NKAIN2: variants seen among roughly 807,000 people sequenced by gnomAD.
The protein encoded by NKAIN2 is sodium/potassium-transporting ATPase subunit beta-1-interacting protein 2.
A neutral mutation model predicts 32.6 loss-of-function variants in NKAIN2; 14 were observed. The observed-to-expected ratio is 0.43, with a 90% CI of 0.28 to 0.67. NKAIN2 has a LOEUF of 0.67. Among genes scored for constraint, NKAIN2 ranks in the 30% least tolerant of loss-of-function variants. The probability of loss-of-function intolerance (pLI) is 0.17; values close to 1 mark genes in which losing one functional copy is unlikely to be tolerated. For synonymous variants in NKAIN2, 80 were observed against 87.2 expected (o/e 0.92, Z 0.46); for missense variants, 198 against 258.3 (o/e 0.77, Z 1.60).
chr6:124,493,618 A>G (rs1777949463), intron 3 of NKAIN2, among the ~76,000 whole-genome samples: 2 of 149,790 alleles, frequency 1.3e-5, no homozygotes, highest in African/African-American at 2.5e-5. Flanking sequence ...TTATTTGATC[A>G]TTACATACAG....
chr6:123,902,206 A>G (rs560874459), intron 1 of NKAIN2, among the ~76,000 whole-genome samples: 1 of 152,254 alleles, frequency 6.6e-6, no homozygotes, highest in African/African-American at 2.4e-5. Flanking sequence ...TGAACATACT[A>G]CATAGACTCA....
At chr6:124,766,179 A>G (rs1184826281) in intron 4 of NKAIN2, among the ~76,000 whole-genome samples, 1 of 152,202 alleles carries the variant, frequency 6.6e-6, no homozygotes. Context: ...CTACCTTTCC[A>G]TGAGGAGATG....
chr6:123,974,710 T>C (rs1778478611), intron 1 of NKAIN2, among the ~76,000 whole-genome samples: 1 of 152,178 alleles, frequency 6.6e-6, no homozygotes, highest in South Asian at 2.1e-4. Context: ...GGGAAGATTA[T>C]GCAACTGAGA....
At chr6:123,820,542 C>T (rs1474725045) in intron 1 of NKAIN2, among the ~76,000 whole-genome samples, 1 of 152,074 alleles carries the variant, frequency 6.6e-6, no homozygotes, top group Non-Finnish European at 1.5e-5. Flanking sequence ...AACCAGTATG[C>T]TCCCTCTGCC....
chr6:124,426,224 G>A (rs983868396), intron 3 of NKAIN2, among the ~76,000 whole-genome samples: 4 of 152,100 alleles, frequency 2.6e-5, no homozygotes, highest in Admixed American at 1.3e-4. Context: ...GTGAAATGCA[G>A]AGAGCTACTG....
intron 1 of NKAIN2, among the ~76,000 whole-genome samples, chr6:123,945,232 C>A (rs552483847): frequency 3.7e-4 from 56 of 152,068 alleles, no homozygotes; most frequent in African/African-American, 1.3e-3. Context: ...CTGGGTTTAC[C>A]AAAGCCTCTA....
intron 1 of NKAIN2, among the ~76,000 whole-genome samples, chr6:124,117,669 G>C (rs1400565055): frequency 6.6e-6 from 1 of 151,202 alleles, no homozygotes; most frequent in African/African-American, 2.5e-5. Context: ...AATAAAAAAA[G>C]AAAATATGTA....
At chr6:124,759,657 C>CACA (rs1562367850) in intron 4 of NKAIN2, among the ~76,000 whole-genome samples, 2,395 of 75,366 alleles carry the variant, frequency 0.032, 447 homozygotes, top group East Asian at 0.07. Context: ...ACACACACAC[C>CACA]CCCTATCTCC....
At chr6:124,473,213 A>G (rs946611975) in intron 3 of NKAIN2, among the ~76,000 whole-genome samples, 3 of 152,208 alleles carry the variant, frequency 2.0e-5, no homozygotes, top group African/African-American at 7.2e-5. Context: ...TCTTTCTAAA[A>G]CACTTACATT....
intron 3 of NKAIN2, among the ~76,000 whole-genome samples, chr6:124,361,745 T>C (rs1385047567): frequency 6.6e-6 from 1 of 151,216 alleles, no homozygotes; most frequent in African/African-American, 2.5e-5. Flanking sequence ...ATTGCACTCT[T>C]TTGAATGTAA....
rs11154253 is a variant in NKAIN2, at chr6:124,669,598, G to A, written c.474+11212G>A. Among the ~76,000 whole-genome samples, 587 of 152,118 alleles carry A rather than the reference G, an allele frequency of 3.9e-3. 3 individuals carry two copies. The highest frequency in any genetic ancestry group is 0.013 in the African/African-American group (559 of 41,524). On this transcript the variant is annotated intron_variant, in intron 4 of 6. Transcript: ENST00000368417. ...CATTCAGGGTAGGGAACTCTACTCAGGCCAGCATTATCTGGAGCTCTGACC... is the reference window on the plus strand; with the variant it reads ...CATTCAGGGTAGGGAACTCTACTCAAGCCAGCATTATCTGGAGCTCTGACC...
chr6:124,379,152 AGGG>A (rs1800131950), intron 3 of NKAIN2, among the ~76,000 whole-genome samples: 2 of 29,778 alleles, frequency 6.7e-5, no homozygotes, highest in African/African-American at 1.3e-4. Context: ...GGAGGGAGGG[AGGG>A]AGGGGAGGGG....
At chr6:124,716,959 A>G (rs1047427171) in intron 4 of NKAIN2, among the ~76,000 whole-genome samples, 2 of 152,362 alleles carry the variant, frequency 1.3e-5, no homozygotes, top group African/African-American at 4.8e-5. Flanking sequence ...AATGTCTAGC[A>G]TAAATACTTG....
At chr6:123,988,299 A>G (rs1292607019) in intron 1 of NKAIN2, among the ~76,000 whole-genome samples, 1 of 152,232 alleles carries the variant, frequency 6.6e-6, no homozygotes, top group Non-Finnish European at 1.5e-5. Flanking sequence ...CATTACAAAT[A>G]CATGCCAAAG....
intron 1 of NKAIN2, among the ~76,000 whole-genome samples, chr6:124,258,381 CTTCA>C (rs1211928207): frequency 6.6e-6 from 1 of 152,098 alleles, no homozygotes; most frequent in African/African-American, 2.4e-5. Flanking sequence ...TAATCTGTTC[CTTCA>C]TTCATTTTTT....
chr6:124,288,112 G>C (rs551965255), intron 2 of NKAIN2, among the ~76,000 whole-genome samples: 1 of 152,208 alleles, frequency 6.6e-6, no homozygotes, highest in South Asian at 2.1e-4. Flanking sequence ...ATAATTTCTT[G>C]TTTCTTACCA....
chr6:124,550,762 A>G (rs1209143842), intron 3 of NKAIN2, among the ~76,000 whole-genome samples: 11 of 152,222 alleles, frequency 7.2e-5, no homozygotes, highest in African/African-American at 2.2e-4. Flanking sequence ...CTTTGATAGA[A>G]ACTTGAGACA....
At chr6:124,787,756 T>C (rs543707709) in intron 4 of NKAIN2, among the ~76,000 whole-genome samples, 1 of 152,206 alleles carries the variant, frequency 6.6e-6, no homozygotes, top group South Asian at 2.1e-4. Context: ...CATAGTTCCA[T>C]TGGCAATTTG....
At chr6:124,195,158 T>A (rs551235140) in intron 1 of NKAIN2, among the ~76,000 whole-genome samples, 1 of 152,060 alleles carries the variant, frequency 6.6e-6, no homozygotes, top group East Asian at 1.9e-4. Flanking sequence ...ATAGCCTTTT[T>A]TATTGTCAAG....
Sources: allele counts gnomAD v4.1 joint callset (sites outside exome capture counted in the v4.1 genomes callset), GRCh38; gene constraint gnomAD v4.1.1; transcripts MANE v1.5; gene names NCBI Gene and HGNC (gene_info 2026-07-23, HGNC 2026-07-21).